The following CHLSN variants were observed in gnomAD, a reference collection of about 807,000 sequenced individuals.
CHLSN encodes protein cholesin.
chr7:1,048,613 C>T, the CHLSN span, among the ~76,000 whole-genome samples: 3 of 152,214 alleles, frequency 2.0e-5, no homozygotes, highest in Non-Finnish European at 4.4e-5. Context: ...GTTCACCTCA[C>T]TGCTCACAGA....
the CHLSN span, among the ~76,000 whole-genome samples, chr7:1,004,203 G>T: frequency 7.2e-5 from 11 of 152,228 alleles, no homozygotes; most frequent in African/African-American, 2.4e-4. Flanking sequence ...CCCGGCCAGC[G>T]TGGGCCCCTG....
the CHLSN span, chr7:1,057,526 G>A: frequency 1.6e-4 from 124 of 770,068 alleles, no homozygotes; most frequent in South Asian, 1.2e-3. Context: ...ATGTGGAGCT[G>A]CAGCTGGTTC....
chr7:1,092,562 C>T, the CHLSN span: 3 of 1,610,400 alleles, frequency 1.9e-6, no homozygotes, highest in Non-Finnish European at 2.5e-6. Context: ...AGAACGTCTT[C>T]ATCAGCGTGC....
At chr7:1,097,017 G>T in the CHLSN span, among the ~76,000 whole-genome samples, 1 of 152,230 alleles carries the variant, frequency 6.6e-6, no homozygotes, top group Non-Finnish European at 1.5e-5. This position sits in a 1 kb window ranked among gnomAD's most constrained non-coding sequence, Gnocchi z 4.3. Context: ...TGAAGCCGGG[G>T]CTCTCCCAGC....
chr7:1,045,022 G>T, the CHLSN span, among the ~76,000 whole-genome samples: 2 of 152,242 alleles, frequency 1.3e-5, no homozygotes, highest in African/African-American at 4.8e-5. Flanking sequence ...CCCCTTCTGT[G>T]ATTAGTATTT....
the CHLSN span, chr7:985,242 T>C: frequency 2.6e-6 from 4 of 1,552,602 alleles, no homozygotes; most frequent in Non-Finnish European, 3.5e-6. Context: ...GCCGCCGATT[T>C]GACTACCGGG....
the CHLSN span, among the ~76,000 whole-genome samples, chr7:1,111,222 A>T: frequency 3.3e-5 from 5 of 152,374 alleles, no homozygotes; most frequent in African/African-American, 1.2e-4. Context: ...ACTGATTAAA[A>T]TGTTTTGCTA....
chr7:1,062,851 G>A, the CHLSN span, among the ~76,000 whole-genome samples: 8 of 152,164 alleles, frequency 5.3e-5, no homozygotes, highest in East Asian at 3.8e-4. Context: ...GAAGCATAAC[G>A]TGAACATGCC....
At chr7:1,016,266 G>C in the CHLSN span, among the ~76,000 whole-genome samples, 1 of 53,764 alleles carries the variant, frequency 1.9e-5, no homozygotes. Flanking sequence ...CCAGCACACA[G>C]CAGCGCACGC....
the CHLSN span, among the ~76,000 whole-genome samples, chr7:1,130,036 C>G: frequency 5.9e-5 from 9 of 152,154 alleles, no homozygotes; most frequent in East Asian, 1.7e-3. Context: ...TCACAGGACA[C>G]CTGGCACCCT....
chr7:1,082,460 G>A, the CHLSN span, among the ~76,000 whole-genome samples: 10 of 152,250 alleles, frequency 6.6e-5, no homozygotes, highest in Non-Finnish European at 1.3e-4. Flanking sequence ...CAGAGCAGGG[G>A]ATGATCCATC....
chr7:1,096,864 T>G, the CHLSN span, among the ~76,000 whole-genome samples: 2 of 152,208 alleles, frequency 1.3e-5, no homozygotes, highest in East Asian at 3.9e-4. The surrounding 1 kb of genome is among the most constrained non-coding windows in gnomAD (Gnocchi z 4.6). Flanking sequence ...CCCACTCACC[T>G]GCAGTCTTGG....
the CHLSN span, among the ~76,000 whole-genome samples, chr7:979,603 T>G: frequency 6.6e-6 from 1 of 151,910 alleles, no homozygotes; most frequent in Admixed American, 6.6e-5. Context: ...AATACAAAAA[T>G]TAGCCGGGCG....
chr7:1,090,636 C>T, the CHLSN span, among the ~76,000 whole-genome samples: 100 of 152,240 alleles, frequency 6.6e-4, no homozygotes, highest in African/African-American at 2.1e-3. Context: ...GTGACGGGAC[C>T]CTCCCCACTG....
chr7:1,051,943 C>T, the CHLSN span, among the ~76,000 whole-genome samples: 1 of 152,186 alleles, frequency 6.6e-6, no homozygotes, highest in African/African-American at 2.4e-5. Context: ...GTACCACTGC[C>T]CTCCAGCCTG....
At chr7:1,053,939 C>T in the CHLSN span, among the ~76,000 whole-genome samples, 141 of 152,326 alleles carry the variant, frequency 9.3e-4, 1 homozygote, top group African/African-American at 3.2e-3. Flanking sequence ...GAGGGCACTC[C>T]CAGGGACCCT....
At chr7:1,009,787 C>G in the CHLSN span, among the ~76,000 whole-genome samples, 1 of 152,258 alleles carries the variant, frequency 6.6e-6, no homozygotes, top group Non-Finnish European at 1.5e-5. Context: ...CTGGGCCATT[C>G]AGACAGAAAG....
chr7:995,699 G>A, the CHLSN span, among the ~76,000 whole-genome samples: 1 of 152,280 alleles, frequency 6.6e-6, no homozygotes. Context: ...GGCACCGCCT[G>A]GCAGATCTGA....
At chr7:1,081,282 T>C in the CHLSN span, among the ~76,000 whole-genome samples, 125,947 of 152,224 alleles carry the variant, frequency 0.83, 52,775 homozygotes, top group African/African-American at 0.94. Context: ...CTTGCCAGGC[T>C]GGGATTTGAG....
Sources: gnomAD v4.1 joint callset for allele counts (sites outside exome capture counted in the v4.1 genomes callset) on GRCh38, gnomAD v4.1.1 for gene constraint, Gnocchi (gnomAD v3.1) non-coding constraint, MANE v1.5 for transcripts, NCBI Gene and HGNC (gene_info 2026-07-23, HGNC 2026-07-21) for gene names.